KCNC1: variants seen among roughly 807,000 people sequenced by gnomAD.
KCNC1 encodes the protein potassium voltage-gated channel subfamily C member 1.
Under a neutral mutation model 43.4 loss-of-function variants are expected in KCNC1, and 8 were observed. The observed-to-expected ratio is 0.18, with a 90% CI of 0.11 to 0.33. The LOEUF is 0.33. Among genes scored for constraint, KCNC1 ranks in the 10% least tolerant of loss-of-function variants. The pLI is 1.00. For synonymous variants in KCNC1, 361 were observed against 360.5 expected, an observed-to-expected ratio of 1.00 and a Z score of -0.01; for missense variants, 420 against 836.0, an observed-to-expected ratio of 0.50 and a Z score of 6.14.
chr11:17,764,010 A>C (rs1316523093), intron 1 of KCNC1, among the ~76,000 whole-genome samples: 5 of 93,278 alleles, frequency 5.4e-5, no homozygotes, highest in South Asian at 4.0e-4. Flanking sequence ...CCCACACAGC[A>C]CCCCACACGT....
rs780502809 is a variant in KCNC1 at position 17,779,439 on chromosome 11, T to C, written c.1505-17T>C. 4.5e-5 allele frequency: 68 copies of C among 1,513,202 alleles called. No homozygotes were observed. Among genetic ancestry groups the C allele is most frequent in the Non-Finnish European group, 5.8e-5 (65 of 1,128,382 alleles). The allele number at this position is 1,513,202 out of a possible 1,614,324, so 93.7% of individuals were successfully genotyped here. ...CAGTTTTCAGTGTCTCAATAGCTTC[T>C]GCTTATATGTTTGAAGATTCCAAAC... On this transcript the variant is annotated splice_polypyrimidine_tract_variant and intron_variant, in intron 2 of 3. Coordinates refer to ENST00000265969, the MANE Select transcript of KCNC1 (RefSeq NM_001112741.2). This position sits in a 1 kb window ranked among gnomAD's most constrained non-coding sequence, Gnocchi z 7.2.
chr11:17,777,138 C>T lies in KCNC1; in HGVS notation c.1505-2318C>T. 2.0e-6 allele frequency: 2 copies of T among 983,860 alleles called. No homozygotes were observed. The highest frequency in any genetic ancestry group is 4.7e-5 in the South Asian group (1 of 21,188). 60.9% of individuals were successfully genotyped at this position (983,860 alleles called of 1,614,324 possible). A position where few individuals can be genotyped will look rare whatever the true frequency, so the allele number is the denominator to read the frequency against. On this transcript the variant is annotated intron_variant, in intron 2 of 3. Transcript: ENST00000265969. This position sits in a 1 kb window ranked among gnomAD's most constrained non-coding sequence, Gnocchi z 4.3. ...TTTAGTGATTGTGAGAGCTGGGAGCCCCCAGGGCCTGGGGGCTTGTGGACA... is the reference window on the plus strand; with the variant it reads ...TTTAGTGATTGTGAGAGCTGGGAGCTCCCAGGGCCTGGGGGCTTGTGGACA...
chr11:17,769,786 G>T (rs896914051), intron 1 of KCNC1, among the ~76,000 whole-genome samples: 3 of 152,240 alleles, frequency 2.0e-5, no homozygotes, highest in Non-Finnish European at 4.4e-5. Flanking sequence ...ACACTTGATA[G>T]TGGCTCAGGA....
intron 1 of KCNC1, among the ~76,000 whole-genome samples, chr11:17,750,164 T>C (rs1590096440): frequency 6.6e-6 from 1 of 152,148 alleles, no homozygotes; most frequent in South Asian, 2.1e-4. Context: ...CAGGCTGTGG[T>C]GGGTCTCAGA....
In KCNC1 at chr11:17,782,922, G is replaced by GAAAA. The variant is rs201194143; in HGVS notation, c.*1192_*1195dup. 1 of 152,004 alleles carries GAAAA rather than the reference G, an allele frequency of 6.6e-6. No homozygotes were observed. The highest frequency in any genetic ancestry group is 2.4e-5 in the African/African-American group (1 of 41,362). The allele number at this position is 152,004 out of a possible 1,614,324, so 9.4% of individuals were successfully genotyped here. A position where few individuals can be genotyped will look rare whatever the true frequency, so the allele number is the denominator to read the frequency against. On this transcript the variant is annotated 3_prime_UTR_variant, in exon 4 of 4. Transcript: ENST00000265969. ...TTTTTGAAAAACACATGCTTGAGTTGAAAAAAATGCAACATCTCAAGCTTT... is the reference window on the plus strand; with the variant it reads ...TTTTTGAAAAACACATGCTTGAGTTGAAAAAAAAAAATGCAACATCTCAAGCTTT...
rs1436488762 is a variant in KCNC1 at position 17,777,635 on chromosome 11, A to G, written c.1505-1821A>G. 1.0e-6 allele frequency: 1 copy of G among 985,768 alleles called. No individual in the cohort carries two copies. Among genetic ancestry groups the G allele is most frequent in the Non-Finnish European group, 1.2e-6 (1 of 829,964 alleles). The allele number at this position is 985,768 out of a possible 1,614,324, so 61.1% of individuals were successfully genotyped here. ...CCCGGCCCCAGTCACATGGTGTCAG[A>G]GTTACCTTGGCAACTGGCCTTTTTG... On this transcript the variant is annotated intron_variant, in intron 2 of 3. Coordinates refer to ENST00000265969, the MANE Select transcript of KCNC1 (RefSeq NM_001112741.2). This position sits in a 1 kb window ranked among gnomAD's most constrained non-coding sequence, Gnocchi z 4.3.
At chr11:17,749,933 G>A (rs553451369) in intron 1 of KCNC1, among the ~76,000 whole-genome samples, 2 of 152,334 alleles carry the variant, frequency 1.3e-5, no homozygotes, top group South Asian at 4.1e-4. Flanking sequence ...GAGCATTAGG[G>A]AGAAAACACA....
chr11:17,775,448 C>T, intron 2 of KCNC1: 1 of 985,568 alleles, frequency 1.0e-6, no homozygotes, highest in Non-Finnish European at 1.2e-6. Flanking sequence ...AGGGCTTGTC[C>T]TGGGAGGGGT....
intron 1 of KCNC1, among the ~76,000 whole-genome samples, chr11:17,763,871 A>G (rs1849111979): frequency 8.1e-6 from 1 of 122,826 alleles, no homozygotes; most frequent in East Asian, 2.9e-4. Flanking sequence ...CCCACCACAC[A>G]TGCACATGTA....
chr11:17,735,941 TC>T lies in KCNC1; in HGVS notation c.-57del, dbSNP rs1848760338. 1.5e-6 allele frequency: 2 copies of T among 1,377,636 alleles called. No homozygotes were observed. The highest frequency in any genetic ancestry group is 1.9e-6 in the Non-Finnish European group (2 of 1,074,068). The allele number at this position is 1,377,636 out of a possible 1,614,324, so 85.3% of individuals were successfully genotyped here. A position where few individuals can be genotyped will look rare whatever the true frequency, so the allele number is the denominator to read the frequency against. ...GCGCGCCCCCCTCCCCGGCGCCAAC[TC>T]CCCCTGGCGGCCGCTCCCATGGGTG... is the stretch of plus-strand genomic sequence containing the variant. On this transcript the variant is annotated 5_prime_UTR_variant, in exon 1 of 4. Coordinates refer to ENST00000265969, the MANE Select transcript of KCNC1 (RefSeq NM_001112741.2). The surrounding 1 kb of genome is among the most constrained non-coding windows in gnomAD (Gnocchi z 6.7).
chr11:17,747,812 C>T (rs545269378), intron 1 of KCNC1, among the ~76,000 whole-genome samples: 1 of 152,312 alleles, frequency 6.6e-6, no homozygotes, highest in East Asian at 1.9e-4. Flanking sequence ...CTGGCCAGCC[C>T]CAGCCCTTCC....
intron 1 of KCNC1, among the ~76,000 whole-genome samples, chr11:17,748,467 T>G (rs2052982881): frequency 6.6e-6 from 1 of 152,108 alleles, no homozygotes; most frequent in South Asian, 2.1e-4. Flanking sequence ...AGGAGGGGGA[T>G]GACAGTTGAA....
rs184926096 is a variant in KCNC1, at chr11:17,766,728, C to T, written c.571-4937C>T. 2.6e-3 allele frequency among the ~76,000 whole-genome samples: 398 copies of T among 152,206 alleles called. 3 individuals carry two copies. The highest frequency in any genetic ancestry group is 8.4e-3 in the African/African-American group (350 of 41,524). ...TGGGGATAGGCACAACCTGCTCTTA[C>T]GGATTCTGAGCTGTGCCTGTTAGGC... On this transcript the variant is annotated intron_variant, in intron 1 of 3. Coordinates refer to ENST00000265969, the MANE Select transcript of KCNC1 (RefSeq NM_001112741.2).
intron 1 of KCNC1, among the ~76,000 whole-genome samples, chr11:17,764,238 T>TAGTCCCATACAC (rs1320209521): frequency 7.1e-6 from 1 of 141,196 alleles, no homozygotes; most frequent in East Asian, 2.1e-4. Context: ...ACACCACACA[T>TAGTCCCATACAC]AGTCCCATAC....
chr11:17,778,365 C>T lies in KCNC1; in HGVS notation c.1505-1091C>T, dbSNP rs564628053. ...CAGGCTGCCACAGAGGCCAGAACTC[C>T]AGTTTCCCCCACCCAAGTCCATCAG... is the stretch of plus-strand genomic sequence containing the variant. On this transcript the variant is annotated intron_variant, in intron 2 of 3. Transcript: ENST00000265969. Among the ~76,000 whole-genome samples the T allele has an allele frequency of 3.3e-5, 5 of 152,338 alleles. No individual in the cohort carries two copies. The South Asian group carries it at 6.2e-4, about 19-fold the overall frequency.
At chr11:17,740,439 G>A (rs1024299579) in intron 1 of KCNC1, among the ~76,000 whole-genome samples, 4 of 152,098 alleles carry the variant, frequency 2.6e-5, no homozygotes, top group African/African-American at 9.7e-5. Context: ...AGGTGGAGAG[G>A]GCAGGGGGGT....
intron 1 of KCNC1, among the ~76,000 whole-genome samples, chr11:17,768,564 G>A (rs991878473): frequency 6.7e-6 from 1 of 148,766 alleles, no homozygotes; most frequent in South Asian, 2.2e-4. Context: ...GACCCTGCCC[G>A]GAGAGAGTCC....
In KCNC1 at chr11:17,781,902, G is replaced by T; in HGVS notation, c.*168G>T. The T allele has an allele frequency of 2.1e-6, 1 of 473,068 alleles. No homozygotes were observed. The highest frequency in any genetic ancestry group is 3.8e-6 in the Non-Finnish European group (1 of 266,346). The allele number at this position is 473,068 out of a possible 1,614,324, so 29.3% of individuals were successfully genotyped here. A position where few individuals can be genotyped will look rare whatever the true frequency, so the allele number is the denominator to read the frequency against. On this transcript the variant is annotated 3_prime_UTR_variant, in exon 4 of 4. Coordinates refer to ENST00000265969, the MANE Select transcript of KCNC1 (RefSeq NM_001112741.2). The surrounding 1 kb of genome is among the most constrained non-coding windows in gnomAD (Gnocchi z 5.1). ...ACGTAGCTTTTTCTACGGCCAAATGGTAACTGACCGTAGAGGATTTCTTTT... is the reference window on the plus strand; with the variant it reads ...ACGTAGCTTTTTCTACGGCCAAATGTTAACTGACCGTAGAGGATTTCTTTT...
rs1485983755 is a variant in KCNC1, at chr11:17,739,976, CCTAA to C, written c.570+3407_570+3410del. ...CTCAGTCTCTGGGACTCCGGAGTGGCCTAACTGAGGGCATTTCCTTTCCTCAGTA... is the reference window on the plus strand; with the variant it reads ...CTCAGTCTCTGGGACTCCGGAGTGGCCTGAGGGCATTTCCTTTCCTCAGTA... On this transcript the variant is annotated intron_variant, in intron 1 of 3. Transcript: ENST00000265969. This position sits in a 1 kb window ranked among gnomAD's most constrained non-coding sequence, Gnocchi z 4.2. 3.9e-5 allele frequency among the ~76,000 whole-genome samples: 6 copies of C among 152,088 alleles called. No homozygotes were observed. The highest frequency in any genetic ancestry group is 5.9e-5 in the Non-Finnish European group (4 of 68,020).
Sources: allele counts gnomAD v4.1 joint callset (sites outside exome capture counted in the v4.1 genomes callset), GRCh38; gene constraint gnomAD v4.1.1; non-coding constraint Gnocchi (gnomAD v3.1); transcripts MANE v1.5; gene names NCBI Gene and HGNC (gene_info 2026-07-23, HGNC 2026-07-21).